Variants in KAT6B observed in about 807,000 individuals in gnomAD.
KAT6B encodes the protein lysine acetyltransferase 6B, also known as histone acetyltransferase KAT6B.
KAT6B carries 10 observed loss-of-function variants against 187.5 expected under a neutral mutation model. The ratio of observed to expected loss-of-function variants is 0.05; its 90% CI spans 0.03 to 0.09. The LOEUF is 0.09. Ranked by LOEUF, KAT6B falls within the 10% of genes least tolerant of loss-of-function variation. The pLI is 1.00. For synonymous variants in KAT6B, 861 were observed against 926.8 expected (o/e 0.93, Z 1.29); for missense variants, 1,952 against 2,558.9 (o/e 0.76, Z 5.12).
intron 3 of KAT6B, among the ~76,000 whole-genome samples, chr10:74,910,086 T>C (rs981645196): frequency 6.6e-6 from 1 of 151,548 alleles, no homozygotes; most frequent in African/African-American, 2.4e-5. Context: ...GGTTGACAGT[T>C]TGAGACCAGC....
chr10:74,956,222 C>T (rs550500746), intron 3 of KAT6B, among the ~76,000 whole-genome samples: 46 of 152,204 alleles, frequency 3.0e-4, no homozygotes, highest in African/African-American at 1.1e-3. Flanking sequence ...TTTGGATTTG[C>T]CTGATTGTTT....
chr10:74,978,166 T>C (rs1842283872), intron 9 of KAT6B, among the ~76,000 whole-genome samples: 1 of 152,248 alleles, frequency 6.6e-6, no homozygotes, highest in Non-Finnish European at 1.5e-5. Flanking sequence ...TTATTTTTAG[T>C]AGCAGCCAGT....
At chr10:74,830,770 T>TGTATATATATA (rs60886313) in intron 1 of KAT6B, among the ~76,000 whole-genome samples, 3 of 9,632 alleles carry the variant, frequency 3.1e-4, no homozygotes, top group East Asian at 3.8e-3. Context: ...ATATATATAT[T>TGTATATATATA]TTTTTTTTTT....
rs189034008 is a variant in KAT6B at position 74,972,434 on chromosome 10, C to T, written c.929-73C>T. The T allele has an allele frequency of 3.4e-6, 4 of 1,167,206 alleles. No homozygotes were observed. In the Admixed American group the frequency reaches 6.4e-5, roughly 19 times the overall value. 72.3% of individuals were successfully genotyped at this position (1,167,206 alleles called of 1,614,324 possible). A position where few individuals can be genotyped will look rare whatever the true frequency, so the allele number is the denominator to read the frequency against. Reference sequence around the variant, plus strand: ...GGCATCCTTGAGCAGCTTATTACAGCTACAACTTATATTTAATATCTTCTC... The same window carrying T: ...GGCATCCTTGAGCAGCTTATTACAGTTACAACTTATATTTAATATCTTCTC... On this transcript the variant is annotated intron_variant, in intron 6 of 17. Coordinates refer to ENST00000287239, the MANE Select transcript of KAT6B (RefSeq NM_012330.4).
chr10:74,868,687 A>C (rs927996043), intron 3 of KAT6B, among the ~76,000 whole-genome samples: 1 of 152,166 alleles, frequency 6.6e-6, no homozygotes, highest in Non-Finnish European at 1.5e-5. Context: ...TTTCATTTGC[A>C]TTTATATCCT....
intron 2 of KAT6B, among the ~76,000 whole-genome samples, chr10:74,840,817 C>A (rs1288389875): frequency 3.3e-5 from 5 of 152,130 alleles, no homozygotes; most frequent in Non-Finnish European, 7.3e-5. Context: ...TAAAACTGTA[C>A]TGTTTGAACA....
At chr10:74,956,636 C>G (rs764810393) in intron 3 of KAT6B, among the ~76,000 whole-genome samples, 5 of 152,174 alleles carry the variant, frequency 3.3e-5, no homozygotes, top group Non-Finnish European at 5.9e-5. Context: ...CAGCTCTACA[C>G]CTGAACCTAT....
rs1289146208 is a variant in KAT6B at position 74,972,849 on chromosome 10, G to A, written c.1061+210G>A. Among the ~76,000 whole-genome samples the A allele has an allele frequency of 2.0e-5, 3 of 152,258 alleles. No homozygotes were observed. In the East Asian group the frequency reaches 5.8e-4, roughly 29 times the overall value. ...GGCATTTTGGGGTCTTCTGTTGGCAGTAGCTGTGATACTAAGTGACATTTT... is the reference window on the plus strand; with the variant it reads ...GGCATTTTGGGGTCTTCTGTTGGCAATAGCTGTGATACTAAGTGACATTTT... On this transcript the variant is annotated intron_variant, in intron 7 of 17. Transcript: ENST00000287239.
At position 74,882,018 on chromosome 10, in the gene KAT6B, T is replaced by A. The variant is rs145501502; in HGVS notation, c.621+38540T>A. Reference sequence around the variant, plus strand: ...AGGTTGACCTAGAAAGCACCCTTGGTGGGTGCCATGGGATGGGGGAATACA... The same window carrying A: ...AGGTTGACCTAGAAAGCACCCTTGGAGGGTGCCATGGGATGGGGGAATACA... On this transcript the variant is annotated intron_variant, in intron 3 of 17. Coordinates refer to ENST00000287239, the MANE Select transcript of KAT6B (RefSeq NM_012330.4). Among the ~76,000 whole-genome samples, 717 of 152,224 alleles carry A rather than the reference T, an allele frequency of 4.7e-3. 4 individuals are homozygous for A. Among genetic ancestry groups the A allele is most frequent in the Non-Finnish European group, 8.8e-3 (601 of 67,988 alleles).
intron 3 of KAT6B, among the ~76,000 whole-genome samples, chr10:74,897,223 A>G (rs902177311): frequency 6.6e-6 from 1 of 152,190 alleles, no homozygotes; most frequent in Admixed American, 6.5e-5. Flanking sequence ...TCCTGAGCCT[A>G]ACCTTCTTCT....
chr10:74,828,818 C>T (rs1840498308), intron 1 of KAT6B, among the ~76,000 whole-genome samples: 2 of 151,924 alleles, frequency 1.3e-5, no homozygotes, highest in Admixed American at 6.5e-5. Flanking sequence ...CTGCCCGCCT[C>T]GGCCTCCCAA....
chr10:74,936,977 A>G (rs1360407855), intron 3 of KAT6B, among the ~76,000 whole-genome samples: 1 of 152,186 alleles, frequency 6.6e-6, no homozygotes, highest in Non-Finnish European at 1.5e-5. Flanking sequence ...ATTTATTCCT[A>G]GTGATAGAAA....
At chr10:74,920,460 G>A (rs545570285) in intron 3 of KAT6B, among the ~76,000 whole-genome samples, 61 of 152,242 alleles carry the variant, frequency 4.0e-4, no homozygotes, top group Middle Eastern at 3.4e-3. Context: ...ATTTTTGACC[G>A]AAAATTCAAC....
intron 3 of KAT6B, among the ~76,000 whole-genome samples, chr10:74,940,542 G>A (rs549776830): frequency 1.1e-4 from 16 of 150,656 alleles, no homozygotes; most frequent in African/African-American, 3.4e-4. Flanking sequence ...CCAGAGTGTT[G>A]GGATTACAGG....
rs369319992 is a variant in KAT6B at position 74,833,234 on chromosome 10, G to A, written c.-328-5449G>A. On this transcript the variant is annotated intron_variant, in intron 1 of 17. Coordinates refer to ENST00000287239, the MANE Select transcript of KAT6B (RefSeq NM_012330.4). ...CAACTAAAGCTAATTTGTAATTAGG[G>A]AGAAATCTAGGATTGAATAGGAATT... 4.6e-5 allele frequency among the ~76,000 whole-genome samples: 7 copies of A among 151,936 alleles called. No individual in the cohort carries two copies. In the South Asian group the frequency reaches 1.0e-3, roughly 23 times the overall value.
At chr10:74,907,985 T>A (rs1403780869) in intron 3 of KAT6B, among the ~76,000 whole-genome samples, 2 of 152,082 alleles carry the variant, frequency 1.3e-5, no homozygotes, top group Non-Finnish European at 2.9e-5. Flanking sequence ...CTTTAAGAGG[T>A]GATTGGATCA....
intron 3 of KAT6B, among the ~76,000 whole-genome samples, chr10:74,906,289 A>T (rs1846753992): frequency 6.6e-6 from 1 of 152,062 alleles, no homozygotes; most frequent in African/African-American, 2.4e-5. Flanking sequence ...AATCCCAGCT[A>T]CTCAGGAGGC....
chr10:74,999,282 T>C (rs1459796550), intron 13 of KAT6B, among the ~76,000 whole-genome samples: 7 of 152,146 alleles, frequency 4.6e-5, no homozygotes, highest in African/African-American at 1.7e-4. Context: ...GAGCGCAGCT[T>C]TATGTAGCTT....
intron 3 of KAT6B, among the ~76,000 whole-genome samples, chr10:74,933,232 CCTG>C (rs1367189938): frequency 6.6e-6 from 1 of 152,154 alleles, no homozygotes; most frequent in African/African-American, 2.4e-5. Context: ...AACCTTAGTG[CCTG>C]CTATTAGTTC....
Sources: allele counts gnomAD v4.1 joint callset (sites outside exome capture counted in the v4.1 genomes callset), GRCh38; gene constraint gnomAD v4.1.1; transcripts MANE v1.5; gene names NCBI Gene and HGNC (gene_info 2026-07-23, HGNC 2026-07-21).